Variants in CACNB2 observed in about 807,000 individuals in gnomAD.
The protein encoded by CACNB2 is voltage-dependent L-type calcium channel subunit beta-2.
CACNB2 carries 42 observed loss-of-function variants against 73.3 expected under a neutral mutation model. The observed-to-expected ratio is 0.57, with a 90% confidence interval of 0.45 to 0.74. CACNB2 has a LOEUF of 0.74. CACNB2 is among the 30% of genes least tolerant of loss of function. CACNB2 has a pLI of 0.00. For synonymous variants in CACNB2, 348 were observed against 310.3 expected, an observed-to-expected ratio of 1.12 and a Z score of -1.28; for missense variants, 940 against 853.0, an observed-to-expected ratio of 1.10 and a Z score of -1.27.
At chr10:18,479,777 G>T (rs1054522917) in intron 3 of CACNB2, among the ~76,000 whole-genome samples, 2 of 152,282 alleles carry the variant, frequency 1.3e-5, no homozygotes, top group East Asian at 1.9e-4. Flanking sequence ...GGTCATGATT[G>T]TAAGTTTCCT....
At chr10:18,495,591 G>GTGTGTGTGTGTGTGTGTGTA (rs768160446) in intron 3 of CACNB2, among the ~76,000 whole-genome samples, 3 of 138,724 alleles carry the variant, frequency 2.2e-5, no homozygotes, top group Non-Finnish European at 1.6e-5. Context: ...GTGTGTGTGT[G>GTGTGTGTGTGTGTGTGTGTA]TATAAGAGAT....
At chr10:18,271,706 C>T (rs1346522775) in intron 2 of CACNB2, among the ~76,000 whole-genome samples, 2 of 152,138 alleles carry the variant, frequency 1.3e-5, no homozygotes, top group East Asian at 3.9e-4. Flanking sequence ...CTTTCATTGC[C>T]CGCTAACCTT....
At chr10:18,499,381 G>T (rs1336708205) in intron 4 of CACNB2, among the ~76,000 whole-genome samples, 10 of 151,888 alleles carry the variant, frequency 6.6e-5, no homozygotes, top group Non-Finnish European at 1.3e-4. Context: ...ACTTTGGGAG[G>T]CCAAGGTGGG....
At chr10:18,332,167 G>A (rs181885798) in intron 2 of CACNB2, among the ~76,000 whole-genome samples, 21 of 152,294 alleles carry the variant, frequency 1.4e-4, no homozygotes, top group African/African-American at 4.6e-4. Context: ...TTAAGCAGCA[G>A]GGTGATACAA....
chr10:18,538,257 C>T lies in CACNB2; in HGVS notation c.1380C>T (p.Tyr460=), dbSNP rs2053800529. The T allele has an allele frequency of 6.2e-7, 1 of 1,614,146 alleles. No individual in the cohort carries two copies. The highest frequency in any genetic ancestry group is 8.5e-7 in the Non-Finnish European group (1 of 1,179,996). ...ACCTTGCCGACTATCTGGAGGCCTACTGGAAGGCCACCCATCCTCCCAGCA... is the reference window on the plus strand; with the variant it reads ...ACCTTGCCGACTATCTGGAGGCCTATTGGAAGGCCACCCATCCTCCCAGCA... The part of the protein sequence containing the change: ...CEHLADYLEA[Y]WKATHPPSSS... The change falls in exon 13 of 14, where the codon TAC becomes TAT. Residue 460 remains tyrosine, a synonymous_variant. Transcript: ENST00000324631.
chr10:18,342,174 T>C (rs2041259993), intron 2 of CACNB2, among the ~76,000 whole-genome samples: 1 of 152,184 alleles, frequency 6.6e-6, no homozygotes, highest in Non-Finnish European at 1.5e-5. Context: ...AACTGCTATA[T>C]TTTTTCCTGC....
intron 3 of CACNB2, among the ~76,000 whole-genome samples, chr10:18,432,458 G>GTGTGTGTGTGTCTCTC (rs1564541614): frequency 1.7e-4 from 25 of 148,924 alleles, no homozygotes; most frequent in African/African-American, 4.9e-4. Context: ...CTCTGTGTGT[G>GTGTGTGTGTGTCTCTC]TGTGTGTGTG....
At chr10:18,201,775 C>T (rs1446395466) in intron 2 of CACNB2, among the ~76,000 whole-genome samples, 2 of 152,112 alleles carry the variant, frequency 1.3e-5, no homozygotes, top group Non-Finnish European at 2.9e-5. Flanking sequence ...CTAATTGTAA[C>T]CATCCTGCAG....
chr10:18,428,112 T>C (rs937750001), intron 3 of CACNB2, among the ~76,000 whole-genome samples: 9 of 152,318 alleles, frequency 5.9e-5, no homozygotes, highest in African/African-American at 2.2e-4. Context: ...TGGTGAGTTA[T>C]CTATAAGTGT....
chr10:18,309,638 A>T (rs1440574931), intron 2 of CACNB2, among the ~76,000 whole-genome samples: 2 of 151,936 alleles, frequency 1.3e-5, no homozygotes, highest in African/African-American at 4.8e-5. Context: ...TTGTATTTTT[A>T]GTAGAGACAG....
chr10:18,389,995 G>A (rs561817913), intron 2 of CACNB2, among the ~76,000 whole-genome samples: 26 of 152,104 alleles, frequency 1.7e-4, no homozygotes, highest in Non-Finnish European at 3.2e-4. Context: ...CAAAGAAAAT[G>A]TTAAACAGTA....
chr10:18,242,399 T>C (rs2131510878), intron 2 of CACNB2, among the ~76,000 whole-genome samples: 1 of 152,306 alleles, frequency 6.6e-6, no homozygotes, highest in East Asian at 1.9e-4. Flanking sequence ...TTAGAATAAA[T>C]GTGTTGATTT....
chr10:18,506,168 A>G (rs1279922267), intron 5 of CACNB2, among the ~76,000 whole-genome samples: 1 of 152,110 alleles, frequency 6.6e-6, no homozygotes, highest in African/African-American at 2.4e-5. Context: ...AGCAAAATAA[A>G]TCTGTGCTAT....
chr10:18,527,755 G>A (rs1036503518), intron 10 of CACNB2, 58 bp downstream of exon 10: 16 of 1,057,330 alleles, frequency 1.5e-5, no homozygotes, highest in East Asian at 2.4e-5. Context: ...TGTTGATGAT[G>A]AGAAGACCTA....
chr10:18,455,202 C>G (rs905202722), intron 3 of CACNB2, among the ~76,000 whole-genome samples: 1 of 152,122 alleles, frequency 6.6e-6, no homozygotes. Context: ...GTGTGACAGA[C>G]AAATGCACAG....
chr10:18,217,439 G>A (rs959643262), intron 2 of CACNB2, among the ~76,000 whole-genome samples: 3 of 151,970 alleles, frequency 2.0e-5, no homozygotes, highest in East Asian at 1.9e-4. Context: ...AGCCAAGATC[G>A]TGCCGCTGTA....
chr10:18,290,440 T>C (rs771635034), intron 2 of CACNB2, among the ~76,000 whole-genome samples: 1 of 152,180 alleles, frequency 6.6e-6, no homozygotes, highest in Non-Finnish European at 1.5e-5. Flanking sequence ...ACATCCAGTT[T>C]CTGGCTCCCT....
In CACNB2 at chr10:18,402,036, A is replaced by C. The variant is rs754070618; in HGVS notation, c.326A>C (p.Lys109Thr). 2 of 1,613,838 alleles carry C rather than the reference A, an allele frequency of 1.2e-6. No homozygotes were observed. The highest frequency in any genetic ancestry group is 1.7e-6 in the Non-Finnish European group (2 of 1,179,952). Reference protein sequence around the residue: ...AERQAQAQLEKAKTKPVAFAV... With the variant: ...AERQAQAQLETAKTKPVAFAV... ...CGGCAGGCCCAGGCACAGTTGGAAAAAGCAAAGGTAAAATCGTTTCCTCCC... is the reference window on the plus strand; with the variant it reads ...CGGCAGGCCCAGGCACAGTTGGAAACAGCAAAGGTAAAATCGTTTCCTCCC... The change falls in exon 3 of 14, where the codon AAA (lysine) becomes ACA (threonine). Residue 109 changes from lysine to threonine, a missense_variant. Lys to Thr is a moderately conservative substitution (Grantham distance 78). Transcript: ENST00000324631.
rs769211879 is a variant in CACNB2 at position 18,150,879 on chromosome 10, T to TTTTTTTTTTTTTTTTTTTTTTG, written c.121-3_121-2insTTTTTTTTTTTTTTTTTTTTGT. The TTTTTTTTTTTTTTTTTTTTTTG allele has an allele frequency of 3.3e-5, 41 of 1,259,870 alleles. 5 individuals are homozygous for TTTTTTTTTTTTTTTTTTTTTTG. The highest frequency in any genetic ancestry group is 1.5e-4 in the East Asian group (6 of 39,622). The allele number at this position is 1,259,870 out of a possible 1,614,324, so 78.0% of individuals were successfully genotyped here. A position where few individuals can be genotyped will look rare whatever the true frequency, so the allele number is the denominator to read the frequency against. ...TCTTTTTTTTTTTTTTTTTTTTTTT[T>TTTTTTTTTTTTTTTTTTTTTTG]TAGTCATATGGAAAAGGAGCCAGAA... On this transcript the variant is annotated splice_polypyrimidine_tract_variant and splice_region_variant and intron_variant, in intron 1 of 13. Transcript: ENST00000324631.
Sources: allele counts gnomAD v4.1 joint callset (sites outside exome capture counted in the v4.1 genomes callset), GRCh38; gene constraint gnomAD v4.1.1; transcripts MANE v1.5; gene names NCBI Gene and HGNC (gene_info 2026-07-23, HGNC 2026-07-21).